CRB1: variants seen among roughly 807,000 people sequenced by gnomAD.
CRB1 encodes the protein crumbs cell polarity complex component 1.
Under a neutral mutation model 120.0 loss-of-function variants are expected in CRB1, and 83 were observed. That is an observed-to-expected ratio of 0.69 (90% CI 0.58 to 0.83). CRB1 has a LOEUF of 0.83. CRB1 is among the 40% of genes least tolerant of loss of function. The pLI, the probability that CRB1 is intolerant of heterozygous loss-of-function variation, is 0.00. For synonymous variants in CRB1, 625 were observed against 612.5 expected (o/e 1.02, Z -0.30); for missense variants, 1,699 against 1,687.6 (o/e 1.01, Z -0.12).
At chr1:197,386,100 C>T (rs1051976563) in intron 5 of CRB1, among the ~76,000 whole-genome samples, 1 of 151,924 alleles carries the variant, frequency 6.6e-6, no homozygotes, top group Admixed American at 6.6e-5. Flanking sequence ...TACAAATTCC[C>T]CCAGTAGTGG....
intron 1 of CRB1, among the ~76,000 whole-genome samples, chr1:197,277,943 C>A (rs1161833137): frequency 6.6e-6 from 1 of 151,842 alleles, no homozygotes; most frequent in Non-Finnish European, 1.5e-5. Context: ...TCTACATGAT[C>A]CAGCTTCCAC....
intron 6 of CRB1, chr1:197,422,680 C>G (rs921485845): frequency 1.4e-4 from 21 of 152,270 alleles, no homozygotes; most frequent in African/African-American, 4.8e-4. Flanking sequence ...CAACATTGTT[C>G]TAGAGATTGC....
intron 11 of CRB1, among the ~76,000 whole-genome samples, chr1:197,466,370 A>G (rs766232211): frequency 8.5e-5 from 13 of 152,200 alleles, no homozygotes; most frequent in Non-Finnish European, 1.9e-4. Context: ...AGGGGTTACT[A>G]GGGTATCTCA....
At chr1:197,469,476 G>T (rs9659183) in intron 11 of CRB1, among the ~76,000 whole-genome samples, 38,178 of 152,006 alleles carry the variant, frequency 0.25, 5,980 homozygotes, top group Non-Finnish European at 0.34. Flanking sequence ...TAGGGGAATT[G>T]GTTACAAATG....
chr1:197,305,488 T>C (rs1657107437), intron 1 of CRB1, among the ~76,000 whole-genome samples: 1 of 151,938 alleles, frequency 6.6e-6, no homozygotes, highest in African/African-American at 2.4e-5. Flanking sequence ...TTAACTGTAT[T>C]TTCTAAAAGG....
chr1:197,245,421 C>A, the CRB1 span, among the ~76,000 whole-genome samples: 267 of 152,140 alleles, frequency 1.8e-3, no homozygotes, highest in South Asian at 3.5e-3. Flanking sequence ...CACTTAGGCC[C>A]AGGAGTTTGT....
At chr1:197,279,489 C>A (rs1202558458) in intron 1 of CRB1, among the ~76,000 whole-genome samples, 2 of 150,034 alleles carry the variant, frequency 1.3e-5, no homozygotes, top group Non-Finnish European at 3.0e-5. Flanking sequence ...AAATTGCTTT[C>A]TCTTCACTAA....
chr1:197,326,562 T>C (rs762406942), intron 1 of CRB1, among the ~76,000 whole-genome samples: 30 of 151,984 alleles, frequency 2.0e-4, no homozygotes, highest in Admixed American at 6.6e-4. Context: ...GCCTGGGAGA[T>C]GGAGGTTGCA....
chr1:197,393,311 C>A (rs1662604453), intron 5 of CRB1, among the ~76,000 whole-genome samples: 1 of 152,034 alleles, frequency 6.6e-6, no homozygotes, highest in South Asian at 2.1e-4. Flanking sequence ...TTTGCTCCTC[C>A]TACCTTAATG....
Position 197,435,042 on chromosome 1 carries a change from C to A in CRB1, c.3179C>A (p.Pro1060His). The A allele has an allele frequency of 6.2e-7, 1 of 1,613,920 alleles. No individual in the cohort carries two copies. The highest frequency in any genetic ancestry group is 1.3e-5 in the African/African-American group (1 of 75,016). ...RWQMEVDNET[P>H]FVTSTIATGS... ...CAAATGGAAGTGGACAACGAAACAC[C>A]TTTTGTGACCAGCACAATTGCTACT... Residue 1060 changes from proline to histidine, a missense_variant, in exon 9 of 12, where the codon CCT becomes CAT. Pro to His is a moderately conservative substitution (Grantham distance 77, BLOSUM62 -2). Transcript: ENST00000367400.
At chr1:197,459,501 C>T (rs1477352628) in intron 11 of CRB1, among the ~76,000 whole-genome samples, 2 of 152,098 alleles carry the variant, frequency 1.3e-5, no homozygotes, top group Admixed American at 1.3e-4. Flanking sequence ...ATGGTCTCTT[C>T]TCTCTGTGTC....
intron 10 of CRB1, chr1:197,441,072 G>C (rs1220061051): frequency 6.6e-6 from 1 of 152,138 alleles, no homozygotes; most frequent in Admixed American, 6.5e-5. Flanking sequence ...CTTTCATTTT[G>C]AGCCTAGTGA....
chr1:197,208,780 C>T, the CRB1 span, among the ~76,000 whole-genome samples: 1 of 152,158 alleles, frequency 6.6e-6, no homozygotes, highest in African/African-American at 2.4e-5. Context: ...ATTAGATGAG[C>T]CATAGAGCTC....
chr1:197,343,719 A>T (rs1659603844), intron 2 of CRB1, among the ~76,000 whole-genome samples: 1 of 152,220 alleles, frequency 6.6e-6, no homozygotes, highest in East Asian at 1.9e-4. Context: ...TGTATCAGGT[A>T]CTGCTATAAG....
intron 1 of CRB1, among the ~76,000 whole-genome samples, chr1:197,318,020 G>C (rs919154023): frequency 6.6e-6 from 1 of 151,606 alleles, no homozygotes; most frequent in Non-Finnish European, 1.5e-5. Context: ...AAACTAAAAA[G>C]CTTCTGCATA....
chr1:197,375,910 C>G (rs1038833169), intron 5 of CRB1, among the ~76,000 whole-genome samples: 1 of 152,154 alleles, frequency 6.6e-6, no homozygotes, highest in Non-Finnish European at 1.5e-5. Flanking sequence ...TTTTTCACTT[C>G]CCGGTAACCT....
chr1:197,408,925 G>C (rs1178725301), intron 5 of CRB1, among the ~76,000 whole-genome samples: 1 of 152,202 alleles, frequency 6.6e-6, no homozygotes, highest in Non-Finnish European at 1.5e-5. Context: ...TATCCACTGA[G>C]CTTCAAAGTA....
chr1:197,472,177 TAATC>T (rs1408313765), intron 11 of CRB1, among the ~76,000 whole-genome samples: 2 of 152,188 alleles, frequency 1.3e-5, no homozygotes, highest in African/African-American at 4.8e-5. Context: ...ATGTAACCTG[TAATC>T]AATTGACACA....
chr1:197,466,377 C>T (rs1054133852), intron 11 of CRB1, among the ~76,000 whole-genome samples: 23 of 152,102 alleles, frequency 1.5e-4, no homozygotes, highest in African/African-American at 5.6e-4. Flanking sequence ...ACTAGGGTAT[C>T]TCATTATAGG....
Sources: gnomAD v4.1 joint callset for allele counts (sites outside exome capture counted in the v4.1 genomes callset) on GRCh38, gnomAD v4.1.1 for gene constraint, MANE v1.5 for transcripts, NCBI Gene and HGNC (gene_info 2026-07-23, HGNC 2026-07-21) for gene names.